Variants in TMEM132D observed in about 807,000 individuals in gnomAD.
TMEM132D encodes transmembrane protein 132D, also known as mature OL transmembrane protein.
Under a neutral mutation model 62.3 loss-of-function variants are expected in TMEM132D, and 21 were observed. That is an observed-to-expected ratio of 0.34 (90% confidence interval 0.24 to 0.49). The LOEUF is 0.49. TMEM132D is among the 20% of genes least tolerant of loss of function. The pLI is 0.99. For missense variants in TMEM132D, 1,346 were observed against 1,402.8 expected (o/e 0.96, Z 0.65); for synonymous variants, 621 against 575.6 (o/e 1.08, Z -1.13).
At chr12:129,821,387 T>G (rs1280630849) in intron 1 of TMEM132D, among the ~76,000 whole-genome samples, 1 of 151,546 alleles carries the variant, frequency 6.6e-6, no homozygotes, top group African/African-American at 2.4e-5. Flanking sequence ...TTCTGGGGGG[T>G]TTGAATTTTA....
intron 1 of TMEM132D, among the ~76,000 whole-genome samples, chr12:129,711,829 A>G (rs559360441): frequency 6.7e-6 from 1 of 148,744 alleles, no homozygotes; most frequent in Non-Finnish European, 1.5e-5. Context: ...TATATTATAT[A>G]AAGGATTATA....
intron 1 of TMEM132D, among the ~76,000 whole-genome samples, chr12:129,771,904 C>A (rs1870766786): frequency 6.6e-6 from 1 of 152,192 alleles, no homozygotes. Flanking sequence ...GAAGTCAGTA[C>A]TATTATGCTT....
At chr12:129,420,252 C>T (rs975039793) in intron 3 of TMEM132D, among the ~76,000 whole-genome samples, 11 of 149,762 alleles carry the variant, frequency 7.3e-5, no homozygotes, top group Non-Finnish European at 1.6e-4. Flanking sequence ...TTCATATTCT[C>T]TAAGTATCCC....
chr12:129,260,625 C>T (rs1359341159), intron 4 of TMEM132D, among the ~76,000 whole-genome samples: 1 of 152,104 alleles, frequency 6.6e-6, no homozygotes, highest in Non-Finnish European at 1.5e-5. Flanking sequence ...TGGAGAAGTG[C>T]ACAGTGTACC....
At chr12:129,784,066 T>C (rs117482798) in intron 1 of TMEM132D, among the ~76,000 whole-genome samples, 1,850 of 152,354 alleles carry the variant, frequency 0.012, 15 homozygotes, top group Non-Finnish European at 0.019. Context: ...AGAAGCAGAA[T>C]GATGTTATGA....
chr12:129,285,539 A>AAAAAAAAAGAG (rs56018646), intron 4 of TMEM132D, among the ~76,000 whole-genome samples: 1 of 90,026 alleles, frequency 1.1e-5, no homozygotes, highest in Non-Finnish European at 2.1e-5. Flanking sequence ...AAAAAAAAAA[A>AAAAAAAAAGAG]AGAGAGAGAG....
intron 4 of TMEM132D, among the ~76,000 whole-genome samples, chr12:129,264,206 T>C (rs2135596904): frequency 6.6e-6 from 1 of 152,218 alleles, no homozygotes; most frequent in Non-Finnish European, 1.5e-5. Context: ...CTGGGCAACA[T>C]GGCAAAACCC....
chr12:129,898,330 G>A (rs1336857842), intron 1 of TMEM132D, among the ~76,000 whole-genome samples: 1 of 152,148 alleles, frequency 6.6e-6, no homozygotes, highest in African/African-American at 2.4e-5. Flanking sequence ...AGAAATCAGA[G>A]ATAGAAAAAA....
intron 3 of TMEM132D, among the ~76,000 whole-genome samples, chr12:129,386,905 T>A (rs1436751647): frequency 6.9e-6 from 1 of 145,454 alleles, no homozygotes; most frequent in Admixed American, 6.8e-5. Context: ...AAAAACTATA[T>A]GCCAACACCA....
chr12:129,531,265 G>A, intron 2 of TMEM132D, 60 bp from the exon 3 acceptor site: 1 of 1,520,224 alleles, frequency 6.6e-7, no homozygotes, highest in Middle Eastern at 2.5e-4. Context: ...GGTCATGCTG[G>A]TTCTGGGAAC....
At chr12:129,791,728 T>C (rs970752958) in intron 1 of TMEM132D, among the ~76,000 whole-genome samples, 7 of 152,200 alleles carry the variant, frequency 4.6e-5, no homozygotes, top group African/African-American at 1.7e-4. Flanking sequence ...CAAAATCCAA[T>C]TACTAAATGA....
intron 3 of TMEM132D, among the ~76,000 whole-genome samples, chr12:129,414,483 T>A (rs1046880860): frequency 6.6e-6 from 1 of 152,198 alleles, no homozygotes; most frequent in Non-Finnish European, 1.5e-5. Flanking sequence ...AAATTGTATA[T>A]ATTTGGGTTG....
intron 1 of TMEM132D, among the ~76,000 whole-genome samples, chr12:129,721,726 T>A (rs1024211767): frequency 1.3e-5 from 2 of 152,144 alleles, no homozygotes; most frequent in Non-Finnish European, 2.9e-5. Flanking sequence ...GGATCCTGCA[T>A]GTACGGACCC....
In TMEM132D at chr12:129,126,373, T is replaced by C. The variant is rs1397174658; in HGVS notation, c.1444-41671A>G. On this transcript the variant is annotated intron_variant, in intron 5 of 8. Transcript: ENST00000422113. ...GTTTCTCTCTCTTTTTTTTTTTTTTTAGCAATAATCCTGTTTGCATTTTTT... is the reference window on the plus strand; with the variant it reads ...GTTTCTCTCTCTTTTTTTTTTTTTTCAGCAATAATCCTGTTTGCATTTTTT... 7.2e-5 allele frequency among the ~76,000 whole-genome samples: 11 copies of C among 151,778 alleles called. No individual in the cohort carries two copies. The East Asian group carries it at 2.1e-3, about 29-fold the overall frequency.
At chr12:129,806,809 T>G (rs61942085) in intron 1 of TMEM132D, among the ~76,000 whole-genome samples, 16,027 of 152,184 alleles carry the variant, frequency 0.11, 874 homozygotes, top group African/African-American at 0.13. Flanking sequence ...GTGCATTGCT[T>G]GAGCCCAGGC....
chr12:129,312,991 A>G (rs1267196601), intron 4 of TMEM132D, among the ~76,000 whole-genome samples: 7 of 152,122 alleles, frequency 4.6e-5, no homozygotes, highest in Non-Finnish European at 1.0e-4. Context: ...TGTGGGCCTG[A>G]GCAACCAGAG....
intron 1 of TMEM132D, among the ~76,000 whole-genome samples, chr12:129,822,530 G>A (rs1474737239): frequency 2.0e-5 from 3 of 152,142 alleles, no homozygotes; most frequent in Non-Finnish European, 4.4e-5. Flanking sequence ...CTTGTCAGAG[G>A]CTCAGCATCC....
At chr12:129,522,022 A>G (rs1006594585) in intron 3 of TMEM132D, among the ~76,000 whole-genome samples, 5 of 152,148 alleles carry the variant, frequency 3.3e-5, no homozygotes, top group Admixed American at 6.5e-5. Flanking sequence ...GGTCAATTTG[A>G]CAGTATGTAA....
intron 3 of TMEM132D, among the ~76,000 whole-genome samples, chr12:129,506,855 A>T (rs1001634961): frequency 2.6e-5 from 4 of 152,222 alleles, no homozygotes; most frequent in African/African-American, 9.6e-5. Flanking sequence ...AAAGACAAAT[A>T]GCTGGGGCTT....
Sources: allele counts gnomAD v4.1 joint callset (sites outside exome capture counted in the v4.1 genomes callset), GRCh38; gene constraint gnomAD v4.1.1; transcripts MANE v1.5; gene names NCBI Gene and HGNC (gene_info 2026-07-23, HGNC 2026-07-21).